Variants in JAK3 observed in about 807,000 individuals in gnomAD.
The protein encoded by JAK3 is Janus kinase 3.
JAK3 carries 88 observed loss-of-function variants against 120.8 expected under a neutral mutation model. The observed-to-expected ratio is 0.73, with a 90% CI of 0.61 to 0.87. The LOEUF is 0.87. Ranked by LOEUF, JAK3 falls within the 40% of genes least tolerant of loss-of-function variation. The probability of loss-of-function intolerance (pLI) is 0.00; values close to 1 mark genes in which losing one functional copy is unlikely to be tolerated. For missense variants in JAK3, 1,254 were observed against 1,501.4 expected (o/e 0.84, Z 2.72); for synonymous variants, 592 against 628.6 (o/e 0.94, Z 0.87).
Position 17,839,631 on chromosome 19 carries a change from G to A in JAK3, c.1287C>T (p.Leu429=), listed in dbSNP as rs748032555. The change falls in exon 10 of 24, where the codon CTC becomes CTT. Residue 429 remains leucine, a synonymous_variant. Coordinates refer to ENST00000458235, the MANE Select transcript of JAK3 (RefSeq NM_000215.4). ...AGGTTCCTGTGGGGCTGCGCCGGATGAGGCAGCCCTTATAATCAGGACCAA... is the reference window on the plus strand; with the variant it reads ...AGGTTCCTGTGGGGCTGCGCCGGATAAGGCAGCCCTTATAATCAGGACCAA... ...NPLGPDYKGC[L]IRRSPTGTFL... 4.3e-6 allele frequency: 7 copies of A among 1,611,936 alleles called. No individual in the cohort carries two copies. In the East Asian group the frequency reaches 1.1e-4, roughly 26 times the overall value.
At position 17,831,424 on chromosome 19, in the gene JAK3, G is replaced by T; in HGVS notation, c.2806-24C>A. 6.2e-7 allele frequency: 1 copy of T among 1,600,310 alleles called. No homozygotes were observed. The highest frequency in any genetic ancestry group is 8.5e-7 in the Non-Finnish European group (1 of 1,179,592). ...CCCTGCGGGCGGGCGGTGTGAGCGT[G>T]CAGAGAGGATCCCAGGATAATCCGG... On this transcript the variant is annotated intron_variant, in intron 20 of 23. Transcript: ENST00000458235. This position sits in a 1 kb window ranked among gnomAD's most constrained non-coding sequence, Gnocchi z 5.1.
rs1026597263 is a variant in JAK3, at chr19:17,825,579, C to T, written c.*1164G>A. ...TGGCTTCCTCCAGAGAAACAGAGAT[C>T]GGGGAGCAGAAGTCAGATCATACAT... On this transcript the variant is annotated 3_prime_UTR_variant, in exon 24 of 24. Transcript: ENST00000458235. 3.1e-5 allele frequency: 6 copies of T among 191,332 alleles called. No individual in the cohort carries two copies. The highest frequency in any genetic ancestry group is 4.7e-5 in the African/African-American group (2 of 42,888). The allele number at this position is 191,332 out of a possible 1,614,324, so 11.9% of individuals were successfully genotyped here.
intron 9 of JAK3, 75 bp from the exon 10 acceptor site, chr19:17,839,738 C>CTCTTTTTTTT: frequency 1.3e-6 from 1 of 795,748 alleles, no homozygotes; most frequent in African/African-American, 2.0e-5. Flanking sequence ...CCTTTTTTTT[C>CTCTTTTTTTT]TTTTTTTTTT....
Position 17,831,824 on chromosome 19 carries a change from C to A in JAK3, c.2681-26G>T. The A allele has an allele frequency of 6.2e-7, 1 of 1,612,000 alleles. No individual in the cohort carries two copies. The highest frequency in any genetic ancestry group is 8.5e-7 in the Non-Finnish European group (1 of 1,179,596). On this transcript the variant is annotated intron_variant, in intron 19 of 23. Coordinates refer to ENST00000458235, the MANE Select transcript of JAK3 (RefSeq NM_000215.4). The surrounding 1 kb of genome is among the most constrained non-coding windows in gnomAD (Gnocchi z 5.1). ...CTGGAGAAGGCAGGATCTGTCACAG[C>A]AGGGCCCAGCCCTGCTCGTCCCCCC...
rs778191457 is a variant in JAK3 at position 17,826,415 on chromosome 19, AAGAG to A, written c.*324_*327del. 20 of 333,032 alleles carry A rather than the reference AAGAG, an allele frequency of 6.0e-5. No individual in the cohort carries two copies. The highest frequency in any genetic ancestry group is 8.3e-5 in the Non-Finnish European group (15 of 179,766). 20.6% of individuals were successfully genotyped at this position (333,032 alleles called of 1,614,324 possible). A position where few individuals can be genotyped will look rare whatever the true frequency, so the allele number is the denominator to read the frequency against. ...TAAAAATAAAAATAAAAAAAATAAA[AAGAG>A]AGAGACAGAAAAGGAAACTCAGGGG... On this transcript the variant is annotated 3_prime_UTR_variant, in exon 24 of 24. Coordinates refer to ENST00000458235, the MANE Select transcript of JAK3 (RefSeq NM_000215.4).
chr19:17,844,619 C>T (rs968782291), intron 1 of JAK3, among the ~76,000 whole-genome samples, 189 bp from the exon 2 acceptor site: 2 of 151,574 alleles, frequency 1.3e-5, no homozygotes, highest in African/African-American at 2.4e-5. Flanking sequence ...GCCAACATGG[C>T]GAAACCCTGC....
chr19:17,830,426 G>T, intron 22 of JAK3, 77 bp downstream of exon 22: 1 of 1,195,954 alleles, frequency 8.4e-7, no homozygotes, highest in Non-Finnish European at 1.2e-6. Context: ...GAGGGACGCA[G>T]GCGCAGACAG....
Position 17,842,298 on chromosome 19 carries a change from G to T in JAK3, c.861+18C>A. The T allele has an allele frequency of 7.2e-7, 1 of 1,390,614 alleles. No homozygotes were observed. The highest frequency in any genetic ancestry group is 9.5e-7 in the Non-Finnish European group (1 of 1,053,712). 86.1% of individuals were successfully genotyped at this position (1,390,614 alleles called of 1,614,324 possible). ...CGCCCCCACGTTGGCCCCGCCCAGCGGGGGAGTCCGCCCTCACCTCCTGTT... is the reference window on the plus strand; with the variant it reads ...CGCCCCCACGTTGGCCCCGCCCAGCTGGGGAGTCCGCCCTCACCTCCTGTT... On this transcript the variant is annotated intron_variant, in intron 6 of 23. Coordinates refer to ENST00000458235, the MANE Select transcript of JAK3 (RefSeq NM_000215.4). The surrounding 1 kb of genome is among the most constrained non-coding windows in gnomAD (Gnocchi z 6.4).
Position 17,837,162 on chromosome 19 carries a change from C to T in JAK3, c.1753G>A (p.Val585Met), listed in dbSNP as rs199600889. 13 of 1,566,482 alleles carry T rather than the reference C, an allele frequency of 8.3e-6. No homozygotes were observed. In the South Asian group the frequency reaches 1.2e-4, roughly 14 times the overall value. Residue 585 changes from valine to methionine, a missense_variant, in exon 13 of 24, where the codon GTG (valine) becomes ATG (methionine). Coordinates refer to ENST00000458235, the MANE Select transcript of JAK3 (RefSeq NM_000215.4). The stretch of plus-strand genomic sequence containing the variant: ...GCCATGCACACGCCGTGGAGCAGCA[C>T]GAGATGCCGGTACGACACTTGGCTC... ...LMSQVSYRHL[V>M]LLHGVCMAGD...
chr19:17,841,519 C>A lies in JAK3; in HGVS notation c.1012G>T (p.Ala338Ser). 6.3e-7 allele frequency: 1 copy of A among 1,582,712 alleles called. No individual in the cohort carries two copies. The stretch of plus-strand genomic sequence containing the variant: ...TCCACGAGCGCCACGAACGACAGAG[C>A]CTCGGGCAGCCCTGGGAACTCGGCC... The part of the protein sequence containing the change: ...LEAEFPGLPE[A>S]LSFVALVDGY... Residue 338 changes from alanine to serine, a missense_variant, in exon 8 of 24, where the codon GCT becomes TCT. Coordinates refer to ENST00000458235, the MANE Select transcript of JAK3 (RefSeq NM_000215.4). This position sits in a 1 kb window ranked among gnomAD's most constrained non-coding sequence, Gnocchi z 4.1.
chr19:17,835,140 G>T lies in JAK3; in HGVS notation c.1990C>A (p.Pro664Thr), dbSNP rs575352564. 5.2e-5 allele frequency: 84 copies of T among 1,614,190 alleles called. No homozygotes were observed. In the South Asian group the frequency reaches 8.6e-4, roughly 16 times the overall value. The change falls in exon 15 of 24, where the codon CCG becomes ACG. Residue 664 changes from proline (P) to threonine (T), a missense_variant. By Grantham distance (38) the Pro-to-Thr change is conservative. Coordinates refer to ENST00000458235, the MANE Select transcript of JAK3 (RefSeq NM_000215.4). Reference sequence around the variant, plus strand: ...GGGTCACTCAGCTTGATGAAGGGCGGGCTCCCATCAGCCCCCTCCCGAGCC... The same window carrying T: ...GGGTCACTCAGCTTGATGAAGGGCGTGCTCCCATCAGCCCCCTCCCGAGCC... ...LLAREGADGS[P>T]PFIKLSDPGV...
At chr19:17,833,542 G>GAAA (rs58330868) in intron 17 of JAK3, among the ~76,000 whole-genome samples, 6 of 74,650 alleles carry the variant, frequency 8.0e-5, no homozygotes, top group East Asian at 4.0e-4. Flanking sequence ...CCCCATCACA[G>GAAA]AAAAAAAAAA....
At position 17,831,849 on chromosome 19, in the gene JAK3, C is replaced by T. The variant is rs778070343; in HGVS notation, c.2681-51G>A. 1.6e-5 allele frequency: 26 copies of T among 1,605,326 alleles called. No homozygotes were observed. The South Asian group carries it at 2.2e-4, about 14-fold the overall frequency. On this transcript the variant is annotated intron_variant, in intron 19 of 23. Coordinates refer to ENST00000458235, the MANE Select transcript of JAK3 (RefSeq NM_000215.4). The surrounding 1 kb of genome is among the most constrained non-coding windows in gnomAD (Gnocchi z 5.1). ...CAGGGCCCAGCCCTGCTCGTCCCCC[C>T]ATTCTTCCCCCCTTTCACAGTGGGA...
In JAK3 at chr19:17,830,618, T is replaced by A; in HGVS notation, c.2981A>T (p.Tyr994Phe). The change falls in exon 22 of 24, where the codon TAT becomes TTT. Residue 994 changes from tyrosine to phenylalanine, a missense_variant and splice_region_variant. This residue lies in a region of JAK3 where 630 missense variants were observed against 819.8 expected (regional missense o/e 0.77). Transcript: ENST00000458235. The stretch of plus-strand genomic sequence containing the variant: ...GTTGTCCGAGAGGGATTCGGGGGCA[T>A]ACCTGGAGAGGGGACAAGGTCTTGA... ...REPGQSPIFW[Y>F]APESLSDNIF... The A allele has an allele frequency of 3.1e-6, 5 of 1,612,546 alleles. No homozygotes were observed. The highest frequency in any genetic ancestry group is 4.2e-6 in the Non-Finnish European group (5 of 1,179,412).
rs556743701 is a variant in JAK3, at chr19:17,845,760, C to A, written c.-13-1330G>T. On this transcript the variant is annotated intron_variant, in intron 1 of 23. Coordinates refer to ENST00000458235, the MANE Select transcript of JAK3 (RefSeq NM_000215.4). ...CAAGACCTTATCTCTAGAAAAAAAA[C>A]ACAATACAAAAACTATGATCCAAAA... Among the ~76,000 whole-genome samples the A allele has an allele frequency of 3.9e-5, 6 of 152,162 alleles. No homozygotes were observed. The East Asian group carries it at 5.8e-4, about 15-fold the overall frequency.
intron 22 of JAK3, 63 bp downstream of exon 22, chr19:17,830,440 G>T: frequency 7.5e-7 from 1 of 1,326,116 alleles, no homozygotes; most frequent in Non-Finnish European, 1.1e-6. Flanking sequence ...CAGACAGGTT[G>T]GAGATTGGCC....
At chr19:17,837,287 GACCTGCCTTAGGGGAAC>G in intron 12 of JAK3, 74 bp from the exon 13 acceptor site, 3 of 1,226,350 alleles carry the variant, frequency 2.4e-6, no homozygotes, top group Non-Finnish European at 3.5e-6. Context: ...TGTGCTCACA[GACCTGCCTTAGGGGAAC>G]ACCTGGCCAC....
At position 17,842,291 on chromosome 19, in the gene JAK3, G is replaced by A. The variant is rs756709529; in HGVS notation, c.861+25C>T. The stretch of plus-strand genomic sequence containing the variant: ...CGAGCCCCGCCCCCACGTTGGCCCC[G>A]CCCAGCGGGGGAGTCCGCCCTCACC... On this transcript the variant is annotated intron_variant, in intron 6 of 23. Transcript: ENST00000458235. This position sits in a 1 kb window ranked among gnomAD's most constrained non-coding sequence, Gnocchi z 6.4. The A allele has an allele frequency of 6.0e-6, 4 of 669,954 alleles. No homozygotes were observed. In the South Asian group the frequency reaches 6.5e-5, roughly 11 times the overall value. The allele number at this position is 669,954 out of a possible 1,614,324, so 41.5% of individuals were successfully genotyped here.
In JAK3 at chr19:17,838,077, G is replaced by C. The variant is rs1401110943; in HGVS notation, c.1570-14C>G. The C allele has an allele frequency of 3.1e-6, 5 of 1,614,124 alleles. No individual in the cohort carries two copies. Among genetic ancestry groups the C allele is most frequent in the Non-Finnish European group, 4.2e-6 (5 of 1,180,038 alleles). ...CAGGTTCTCATGCTGAATGGTGAGG[G>C]GACAGCAGAAGAGGCCAGTGAGGGG... On this transcript the variant is annotated splice_polypyrimidine_tract_variant and intron_variant, in intron 11 of 23. Coordinates refer to ENST00000458235, the MANE Select transcript of JAK3 (RefSeq NM_000215.4).
Sources: allele counts gnomAD v4.1 joint callset (sites outside exome capture counted in the v4.1 genomes callset), GRCh38; gene constraint gnomAD v4.1.1; regional missense constraint gnomAD v4.1.1; non-coding constraint Gnocchi (gnomAD v3.1); transcripts MANE v1.5; gene names NCBI Gene and HGNC (gene_info 2026-07-23, HGNC 2026-07-21).